HDAC9: variants seen among roughly 807,000 people sequenced by gnomAD.
The protein encoded by HDAC9 is histone deacetylase 9.
HDAC9 carries 41 observed loss-of-function variants against 139.4 expected under a neutral mutation model. That is an observed-to-expected ratio of 0.29 (90% confidence interval 0.23 to 0.38). The LOEUF (loss-of-function observed/expected upper bound fraction) is 0.38, where lower values mean the gene tolerates loss of function less well. Ranked by LOEUF, HDAC9 falls within the 10% of genes least tolerant of loss-of-function variation. The probability of loss-of-function intolerance (pLI) is 1.00; values close to 1 mark genes in which losing one functional copy is unlikely to be tolerated. For missense variants in HDAC9, 1,147 were observed against 1,297.0 expected (o/e 0.88, Z 1.78); for synonymous variants, 517 against 476.2 (o/e 1.09, Z -1.12).
At chr7:18,466,000 A>T (rs1438273089) in intron 1 of HDAC9, among the ~76,000 whole-genome samples, 4 of 152,218 alleles carry the variant, frequency 2.6e-5, no homozygotes, top group Non-Finnish European at 2.9e-5. Context: ...TCACCAGACT[A>T]AAATCAAAGT....
At chr7:18,667,920 A>G (rs1795280155) in intron 12 of HDAC9, 1 of 980,680 alleles carries the variant, frequency 1.0e-6, no homozygotes. Context: ...CCCCTTTAAT[A>G]TGGATAATCC....
intron 1 of HDAC9, among the ~76,000 whole-genome samples, chr7:18,293,941 AATT>A (rs769801925): frequency 2.6e-5 from 4 of 152,180 alleles, no homozygotes; most frequent in African/African-American, 4.8e-5. Flanking sequence ...TGCTTGATTT[AATT>A]ATTAACTTAA....
chr7:18,431,619 T>C (rs1310106802), intron 1 of HDAC9, among the ~76,000 whole-genome samples: 5 of 152,218 alleles, frequency 3.3e-5, no homozygotes, highest in African/African-American at 1.2e-4. Flanking sequence ...TCATTCCTGA[T>C]GCAAATATCA....
At chr7:18,991,359 G>T (rs1208098880) in intron 25 of HDAC9, among the ~76,000 whole-genome samples, 1 of 152,224 alleles carries the variant, frequency 6.6e-6, no homozygotes, top group African/African-American at 2.4e-5. Context: ...GAAGTCATCA[G>T]GCTGGGCACA....
chr7:18,960,009 AACACACACACAC>A (rs58030908), intron 24 of HDAC9, among the ~76,000 whole-genome samples: 9 of 148,914 alleles, frequency 6.0e-5, no homozygotes, highest in African/African-American at 1.7e-4. Flanking sequence ...TGTTGTTTTA[AACACACACACAC>A]ACACACACAC....
At chr7:18,681,835 G>A (rs1243540776) in intron 12 of HDAC9, among the ~76,000 whole-genome samples, 2 of 151,938 alleles carry the variant, frequency 1.3e-5, no homozygotes, top group Non-Finnish European at 1.5e-5. Context: ...GACATCTCTT[G>A]GCCTTTGGAG....
At chr7:18,307,066 T>G (rs578102237) in intron 1 of HDAC9, among the ~76,000 whole-genome samples, 1 of 151,932 alleles carries the variant, frequency 6.6e-6, no homozygotes, top group Admixed American at 6.6e-5. Flanking sequence ...TGTGTTTATA[T>G]CTTGGCCCTT....
chr7:18,637,072 A>T (rs560386623), intron 8 of HDAC9, among the ~76,000 whole-genome samples: 1 of 152,104 alleles, frequency 6.6e-6, no homozygotes, highest in Non-Finnish European at 1.5e-5. Context: ...TGTCATTGCA[A>T]TGTTTCAGAA....
At chr7:18,743,078 GT>G (rs533841509) in intron 13 of HDAC9, among the ~76,000 whole-genome samples, 3 of 151,136 alleles carry the variant, frequency 2.0e-5, no homozygotes, top group Non-Finnish European at 3.0e-5. Context: ...CAACGGCCCT[GT>G]TTTTTTTTCT....
chr7:18,475,615 G>A (rs774417119), intron 1 of HDAC9, among the ~76,000 whole-genome samples: 3 of 151,996 alleles, frequency 2.0e-5, no homozygotes, highest in South Asian at 2.1e-4. Flanking sequence ...TCACTATGCC[G>A]CCCCAGCCCA....
intron 17 of HDAC9, among the ~76,000 whole-genome samples, chr7:18,814,064 A>G (rs1447213809): frequency 6.6e-6 from 1 of 152,022 alleles, no homozygotes; most frequent in Non-Finnish European, 1.5e-5. Flanking sequence ...GACTGTCGGG[A>G]TTTCATTACT....
chr7:18,127,343 T>A (rs79665409), intron 1 of HDAC9: 16,333 of 170,366 alleles, frequency 0.096, 978 homozygotes, highest in African/African-American at 0.17. Context: ...GTGGGTGTCA[T>A]GTTTTATTAT....
intron 24 of HDAC9, among the ~76,000 whole-genome samples, chr7:18,956,041 A>T (rs929670818): frequency 6.6e-6 from 1 of 152,086 alleles, no homozygotes; most frequent in Non-Finnish European, 1.5e-5. Flanking sequence ...GATGTTTTCA[A>T]GTGACCTCTA....
intron 22 of HDAC9, among the ~76,000 whole-genome samples, chr7:18,922,233 A>T (rs1322986648): frequency 6.6e-6 from 1 of 152,098 alleles, no homozygotes; most frequent in Non-Finnish European, 1.5e-5. Flanking sequence ...TATAATAATA[A>T]TAATTAAAAA....
chr7:18,203,393 A>T (rs965681483), intron 2 of HDAC9, among the ~76,000 whole-genome samples: 3 of 152,126 alleles, frequency 2.0e-5, no homozygotes, highest in Non-Finnish European at 4.4e-5. Context: ...AGTTGCTCCC[A>T]TTAGAGGGGA....
At chr7:18,313,216 T>C (rs1281769785) in intron 1 of HDAC9, among the ~76,000 whole-genome samples, 5 of 152,174 alleles carry the variant, frequency 3.3e-5, no homozygotes, top group Non-Finnish European at 7.4e-5. Context: ...TAGTGATTGA[T>C]AATTATATGA....
rs558213457 is a variant in HDAC9 at position 18,897,761 on chromosome 7, T to A, written c.2803+23165T>A. Among the ~76,000 whole-genome samples, 3 of 151,784 alleles carry A rather than the reference T, an allele frequency of 2.0e-5. No individual in the cohort carries two copies. In the East Asian group the frequency reaches 5.8e-4, roughly 29 times the overall value. ...AGTATAATGAAGTTTTAAAAGTGGT[T>A]ATAAAACAAATGTTATGTTTTCTCT... On this transcript the variant is annotated intron_variant, in intron 22 of 25. Transcript: ENST00000686413.
At chr7:18,850,064 G>A (rs1200064140) in intron 21 of HDAC9, among the ~76,000 whole-genome samples, 2 of 133,656 alleles carry the variant, frequency 1.5e-5, no homozygotes, top group African/African-American at 2.8e-5. Flanking sequence ...TTCAACCAAT[G>A]TCTTTAAAAG....
Position 18,190,544 on chromosome 7 carries a change from C to T in HDAC9, c.25+28195C>T, listed in dbSNP as rs1411271441. Among the ~76,000 whole-genome samples, 7 of 152,114 alleles carry T rather than the reference C, an allele frequency of 4.6e-5. 1 individual carries two copies. The highest frequency in any genetic ancestry group is 3.4e-3 in the Middle Eastern group (1 of 294). On this transcript the variant is annotated intron_variant, in intron 2 of 12. Transcript: ENST00000417496. ...AATTATAAACTGGCTTATAAAAAGA[C>T]CACCCAATATTGCAAGATAAAAGGC...
Sources: gnomAD v4.1 joint callset for allele counts (sites outside exome capture counted in the v4.1 genomes callset) on GRCh38, gnomAD v4.1.1 for gene constraint, MANE v1.5 for transcripts, NCBI Gene and HGNC (gene_info 2026-07-23, HGNC 2026-07-21) for gene names.